The following CERS1 variants were observed in gnomAD, a reference collection of about 807,000 sequenced individuals.
The protein encoded by CERS1 is ceramide synthase 1.
Under a neutral mutation model 35.7 loss-of-function variants are expected in CERS1, and 16 were observed. The observed-to-expected ratio is 0.45, with a 90% CI of 0.30 to 0.68. CERS1 has a LOEUF of 0.68. Ranked by LOEUF, CERS1 falls within the 30% of genes least tolerant of loss-of-function variation. The probability of loss-of-function intolerance (pLI) is 0.08; values close to 1 mark genes in which losing one functional copy is unlikely to be tolerated. For synonymous variants in CERS1, 243 were observed against 201.6 expected (o/e 1.21, Z -1.74); for missense variants, 454 against 453.9 (o/e 1.00, Z 0.00).
chr19:18,893,681 T>A, intron 1 of CERS1, 106 bp from the exon 2 acceptor site: 1 of 1,156,452 alleles, frequency 8.6e-7, no homozygotes, highest in Non-Finnish European at 1.2e-6. Context: ...CGGGCAGCAC[T>A]GGGAAGGCCT....
chr19:18,890,867 T>C (rs2056473490), intron 2 of CERS1, among the ~76,000 whole-genome samples: 1 of 151,356 alleles, frequency 6.6e-6, no homozygotes, highest in African/African-American at 2.4e-5. Flanking sequence ...CTCATGCCTG[T>C]AATCCTGACA....
chr19:18,896,128 AGCCGCGC>A lies in CERS1; in HGVS notation c.-63_-57del, dbSNP rs920070790. 2.9e-6 allele frequency: 2 copies of A among 697,562 alleles called. No homozygotes were observed. The highest frequency in any genetic ancestry group is 3.5e-6 in the Non-Finnish European group (2 of 570,590). 43.2% of individuals were successfully genotyped at this position (697,562 alleles called of 1,614,324 possible). On this transcript the variant is annotated 5_prime_UTR_variant, in exon 1 of 8. Transcript: ENST00000623882. This position sits in a 1 kb window ranked among gnomAD's most constrained non-coding sequence, Gnocchi z 5.9. ...TGCGCCCGCCCGCGGTAGCCGACGG[AGCCGCGC>A]GCCCCGCGTCACGCGCCGCAGCTGG...
At chr19:18,873,017 G>A (rs981268612) in intron 6 of CERS1, among the ~76,000 whole-genome samples, 3 of 152,216 alleles carry the variant, frequency 2.0e-5, no homozygotes, top group Admixed American at 6.5e-5. Context: ...GAGCCAGAGC[G>A]AGTGTGCAGA....
chr19:18,879,456 C>A (rs2056140093), intron 4 of CERS1, 68 bp from the exon 5 acceptor site: 1 of 1,525,392 alleles, frequency 6.6e-7, no homozygotes, highest in Non-Finnish European at 8.8e-7. Context: ...CCTGTCCTAT[C>A]CCGTCCTAGA....
intron 6 of CERS1, among the ~76,000 whole-genome samples, chr19:18,877,213 C>T (rs147964829): frequency 7.9e-4 from 121 of 152,334 alleles, no homozygotes; most frequent in African/African-American, 2.7e-3. Context: ...AGAGGACATG[C>T]CAGCTCTTAC....
intron 4 of CERS1, among the ~76,000 whole-genome samples, 167 bp from the exon 5 acceptor site, chr19:18,879,555 C>T (rs1346738824): frequency 1.3e-5 from 2 of 151,596 alleles, no homozygotes; most frequent in Non-Finnish European, 2.9e-5. Flanking sequence ...TGCCATGCCC[C>T]GCCCACCTCG....
chr19:18,872,904 C>T (rs1449589793), intron 6 of CERS1, among the ~76,000 whole-genome samples: 1 of 152,222 alleles, frequency 6.6e-6, no homozygotes, highest in Non-Finnish European at 1.5e-5. Context: ...CCGCCTCAGC[C>T]TCTCAAAGTG....
chr19:18,876,677 G>A (rs780244860), intron 6 of CERS1, among the ~76,000 whole-genome samples: 10 of 151,984 alleles, frequency 6.6e-5, no homozygotes, highest in East Asian at 1.9e-4. Flanking sequence ...GAGCCACCAC[G>A]CCTGGCCAAA....
chr19:18,880,349 T>C lies in CERS1; in HGVS notation c.677A>G (p.Lys226Arg). 6.4e-7 allele frequency: 1 copy of C among 1,565,006 alleles called. No individual in the cohort carries two copies. Reference protein sequence around the residue: ...LEFTKLNIYFKSRGGSYHRLH... With the variant: ...LEFTKLNIYFRSRGGSYHRLH... ...CCGATGGTAGGAGCCGCCGCGGGAC[T>C]TGAAGTAAATGTTGAGCTTGGTGAA... Residue 226 changes from lysine (K) to arginine (R), a missense_variant, in exon 4 of 8, where the codon AAG (lysine) becomes AGG (arginine). Transcript: ENST00000623882.
intron 1 of CERS1, among the ~76,000 whole-genome samples, chr19:18,894,022 C>G (rs1054861260): frequency 6.6e-6 from 1 of 150,952 alleles, no homozygotes; most frequent in East Asian, 1.9e-4. Flanking sequence ...GTGAGGAAGC[C>G]GCCCCCTCAG....
rs1354366394 is a variant in CERS1 at position 18,868,784 on chromosome 19, C to A, written c.*1201G>T. ...CACAGCGTGGTTGAGCGCCGGCGGC[C>A]CCCCGGACCCCGACAGCGCGACGGG... On this transcript the variant is annotated 3_prime_UTR_variant, in exon 8 of 8. Transcript: ENST00000623882. The A allele has an allele frequency of 6.8e-7, 1 of 1,462,994 alleles. No individual in the cohort carries two copies. The highest frequency in any genetic ancestry group is 3.1e-5 in the East Asian group (1 of 32,022). The allele number at this position is 1,462,994 out of a possible 1,614,324, so 90.6% of individuals were successfully genotyped here.
Position 18,870,685 on chromosome 19 carries a change from C to G in CERS1, c.1011-66G>C, listed in dbSNP as rs1042799255. 2.0e-5 allele frequency: 10 copies of G among 508,204 alleles called. No homozygotes were observed. The African/African-American group carries it at 2.0e-4, about 10-fold the overall frequency. 31.5% of individuals were successfully genotyped at this position (508,204 alleles called of 1,614,324 possible). A position where few individuals can be genotyped will look rare whatever the true frequency, so the allele number is the denominator to read the frequency against. On this transcript the variant is annotated intron_variant, in intron 6 of 7. Coordinates refer to ENST00000623882, the MANE Select transcript of CERS1 (RefSeq NM_021267.5). This position sits in a 1 kb window ranked among gnomAD's most constrained non-coding sequence, Gnocchi z 5.1. ...CGCGGCCGCCTGGCCCTCTTTCCCG[C>G]TTCTTCTCTGGCCGTTTCACACCCC...
At chr19:18,871,944 A>C (rs2055978075) in intron 6 of CERS1, among the ~76,000 whole-genome samples, 1 of 152,214 alleles carries the variant, frequency 6.6e-6, no homozygotes. Flanking sequence ...CCATTTCTGC[A>C]TCGACACCTT....
intron 6 of CERS1, among the ~76,000 whole-genome samples, chr19:18,874,575 G>A (rs555673246): frequency 6.6e-6 from 1 of 152,358 alleles, no homozygotes; most frequent in African/African-American, 2.4e-5. Flanking sequence ...AGGTGAGAGT[G>A]TCTCAACGGA....
At chr19:18,886,527 C>A (rs1032134463) in intron 2 of CERS1, among the ~76,000 whole-genome samples, 7 of 152,064 alleles carry the variant, frequency 4.6e-5, no homozygotes, top group African/African-American at 1.7e-4. Flanking sequence ...TGCACTCCAG[C>A]CTGGGAGACA....
intron 1 of CERS1, 88 bp from the exon 2 acceptor site, chr19:18,893,663 C>T: frequency 7.3e-7 from 1 of 1,369,924 alleles, no homozygotes; most frequent in African/African-American, 1.4e-5. Flanking sequence ...CCCAGGGACT[C>T]CCCAGGCCGG....
At chr19:18,869,888 C>T (rs1045801330) in intron 7 of CERS1, 95 bp downstream of exon 7, 2 of 1,270,134 alleles carry the variant, frequency 1.6e-6, no homozygotes, top group Non-Finnish European at 2.2e-6. Flanking sequence ...GGTGGGGACC[C>T]TCGGAGCTGC....
At chr19:18,881,195 G>C (rs2056196898) in intron 3 of CERS1, among the ~76,000 whole-genome samples, 1 of 151,418 alleles carries the variant, frequency 6.6e-6, no homozygotes, top group Non-Finnish European at 1.5e-5. Flanking sequence ...CTCTGCCGCA[G>C]CCCATCAGGA....
At chr19:18,881,018 C>T (rs965097680) in intron 3 of CERS1, among the ~76,000 whole-genome samples, 3 of 151,750 alleles carry the variant, frequency 2.0e-5, no homozygotes, top group African/African-American at 4.8e-5. Flanking sequence ...CCTTGCTGGC[C>T]CCTCCTCATC....
Sources: gnomAD v4.1 joint callset for allele counts (sites outside exome capture counted in the v4.1 genomes callset) on GRCh38, gnomAD v4.1.1 for gene constraint, Gnocchi (gnomAD v3.1) non-coding constraint, MANE v1.5 for transcripts, NCBI Gene and HGNC (gene_info 2026-07-23, HGNC 2026-07-21) for gene names.